Variants in ANK3 observed in about 807,000 individuals in gnomAD.
The protein encoded by ANK3 is ankyrin-3.
A neutral mutation model predicts 370.9 loss-of-function variants in ANK3; 57 were observed. That is an observed-to-expected ratio of 0.15 (90% CI 0.12 to 0.19). The LOEUF (loss-of-function observed/expected upper bound fraction) is 0.19. Ranked by LOEUF, ANK3 falls within the 10% of genes least tolerant of loss-of-function variation. The pLI is 1.00. For missense variants in ANK3, 4,439 were observed against 5,302.1 expected (o/e 0.84, Z 5.06); for synonymous variants, 1,929 against 1,946.3 (o/e 0.99, Z 0.23).
intron 1 of ANK3, among the ~76,000 whole-genome samples, chr10:60,338,013 T>C (rs2053418833): frequency 6.6e-6 from 1 of 152,160 alleles, no homozygotes; most frequent in Admixed American, 6.6e-5. Flanking sequence ...TGAATTGCTG[T>C]TGTGAACTAT....
chr10:60,592,853 T>G (rs796497430), intron 2 of ANK3, among the ~76,000 whole-genome samples: 1 of 152,234 alleles, frequency 6.6e-6, no homozygotes, highest in Non-Finnish European at 1.5e-5. Context: ...CTGACGGTTC[T>G]GGTAGGCTCT....
intron 1 of ANK3, among the ~76,000 whole-genome samples, chr10:60,388,371 G>A (rs751738621): frequency 3.3e-5 from 5 of 152,136 alleles, no homozygotes; most frequent in Admixed American, 1.3e-4. Context: ...CTCCTGAAGA[G>A]GGGTACATGT....
intron 2 of ANK3, among the ~76,000 whole-genome samples, chr10:60,433,369 T>C (rs915503907): frequency 2.6e-5 from 4 of 152,138 alleles, no homozygotes; most frequent in African/African-American, 9.7e-5. Context: ...AACATTTTAT[T>C]CATGTACCCA....
chr10:60,033,514 C>CAAAAA (rs537623584), intron 43 of ANK3, among the ~76,000 whole-genome samples: 14 of 50,590 alleles, frequency 2.8e-4, no homozygotes, highest in Non-Finnish European at 3.5e-4. Flanking sequence ...GACTCAGTCT[C>CAAAAA]AAAAAAAAAA....
At chr10:60,082,481 A>G in intron 34 of ANK3, 134 bp downstream of exon 34, 1 of 1,232,474 alleles carries the variant, frequency 8.1e-7, no homozygotes, top group South Asian at 1.5e-5. Flanking sequence ...GACTTAGGCA[A>G]TCTACACGAG....
intron 4 of ANK3, among the ~76,000 whole-genome samples, chr10:60,278,331 A>G (rs2132701574): frequency 6.6e-6 from 1 of 152,284 alleles, no homozygotes; most frequent in East Asian, 1.9e-4. Flanking sequence ...TCTCTCACAC[A>G]CATATATATT....
At chr10:60,685,574 C>T (rs2133395799) in intron 1 of ANK3, among the ~76,000 whole-genome samples, 1 of 152,224 alleles carries the variant, frequency 6.6e-6, no homozygotes, top group African/African-American at 2.4e-5. Flanking sequence ...CAGAAATAAC[C>T]CGCGCTCATG....
At chr10:60,333,848 T>C (rs2052089000) in intron 1 of ANK3, among the ~76,000 whole-genome samples, 1 of 152,150 alleles carries the variant, frequency 6.6e-6, no homozygotes, top group African/African-American at 2.4e-5. Context: ...TCTCATAGTG[T>C]TTTTAAAGAA....
chr10:60,296,137 A>G (rs1005926881), intron 1 of ANK3, among the ~76,000 whole-genome samples: 1 of 152,198 alleles, frequency 6.6e-6, no homozygotes, highest in Non-Finnish European at 1.5e-5. Flanking sequence ...CACTCTAATC[A>G]GTACCTATTC....
chr10:60,171,981 T>A (rs555017649), intron 21 of ANK3, among the ~76,000 whole-genome samples: 22 of 152,324 alleles, frequency 1.4e-4, no homozygotes, highest in African/African-American at 5.1e-4. Flanking sequence ...CAAGGAAGGA[T>A]GTTAAAAAAT....
At chr10:60,572,677 G>GC in intron 2 of ANK3, 1 of 1,430,034 alleles carries the variant, frequency 7.0e-7, no homozygotes, top group East Asian at 2.5e-5. Flanking sequence ...CCCAGCCCCT[G>GC]CTGCTGTCAG....
chr10:60,068,117 T>A, intron 37 of ANK3, 108 bp from the exon 38 acceptor site: 1 of 911,154 alleles, frequency 1.1e-6, no homozygotes, highest in Non-Finnish European at 1.7e-6. Context: ...GCTAACACTG[T>A]ACACTGAAAT....
At chr10:60,192,336 T>C (rs1375832551) in intron 16 of ANK3, among the ~76,000 whole-genome samples, 1 of 151,386 alleles carries the variant, frequency 6.6e-6, no homozygotes, top group Admixed American at 6.6e-5. Context: ...TATATGTATA[T>C]ACTATATGTT....
intron 2 of ANK3, among the ~76,000 whole-genome samples, chr10:60,461,568 T>C (rs955360450): frequency 6.6e-6 from 1 of 152,158 alleles, no homozygotes; most frequent in Non-Finnish European, 1.5e-5. Flanking sequence ...AGACATACTT[T>C]GTCTGACTTC....
intron 1 of ANK3, among the ~76,000 whole-genome samples, chr10:60,619,149 G>A (rs896320994): frequency 5.9e-5 from 9 of 151,708 alleles, no homozygotes; most frequent in Non-Finnish European, 7.4e-5. Flanking sequence ...TCTCTGTACC[G>A]CCAAAACATA....
intron 2 of ANK3, among the ~76,000 whole-genome samples, chr10:60,473,966 CAAA>C (rs139841930): frequency 0.012 from 1,088 of 92,642 alleles, 16 homozygotes; most frequent in African/African-American, 0.039. Flanking sequence ...CCTGTTTCTA[CAAA>C]AAAAAAAAAA....
At chr10:60,419,183 A>T (rs1269211152) in intron 2 of ANK3, among the ~76,000 whole-genome samples, 1 of 152,192 alleles carries the variant, frequency 6.6e-6, no homozygotes, top group African/African-American at 2.4e-5. Flanking sequence ...AATCCATTGG[A>T]AAGAGATGAA....
At position 60,026,743 on chromosome 10, in the gene ANK3, A is replaced by C. The variant is rs2072422906; in HGVS notation, c.*3103T>G. Reference sequence around the variant, plus strand: ...AGATGCCTCTTAAAGTATTGAAATAATACTGCATAGTGTATTGCCATAATT... The same window carrying C: ...AGATGCCTCTTAAAGTATTGAAATACTACTGCATAGTGTATTGCCATAATT... On this transcript the variant is annotated 3_prime_UTR_variant, in exon 44 of 44. Transcript: ENST00000280772. The C allele has an allele frequency of 6.6e-6, 1 of 152,244 alleles. No homozygotes were observed. Among genetic ancestry groups the C allele is most frequent in the South Asian group, 2.1e-4 (1 of 4,834 alleles). 9.4% of individuals were successfully genotyped at this position (152,244 alleles called of 1,614,324 possible).
chr10:60,308,699 A>G lies in ANK3; in HGVS notation c.115-29060T>C, dbSNP rs72822258. On this transcript the variant is annotated intron_variant, in intron 1 of 43. Transcript: ENST00000280772. ...AACTGCATTTTCTCTCCCATCCCTC[A>G]GGTCCTCAGCCCCTACCATCCAAAA... 5.5e-3 allele frequency among the ~76,000 whole-genome samples: 833 copies of G among 152,262 alleles called. 5 individuals are homozygous for G. Among genetic ancestry groups the G allele is most frequent in the South Asian group, 0.013 (63 of 4,810 alleles).
Sources: allele counts gnomAD v4.1 joint callset (sites outside exome capture counted in the v4.1 genomes callset), GRCh38; gene constraint gnomAD v4.1.1; transcripts MANE v1.5; gene names NCBI Gene and HGNC (gene_info 2026-07-23, HGNC 2026-07-21).